Variants in PCDHA8 observed in about 807,000 individuals in gnomAD.
The protein encoded by PCDHA8 is protocadherin alpha 8.
Under a neutral mutation model 61.8 loss-of-function variants are expected in PCDHA8, and 53 were observed. The ratio of observed to expected loss-of-function variants is 0.86; its 90% CI spans 0.69 to 1.08. PCDHA8 has a LOEUF of 1.08. Among genes scored for constraint, PCDHA8 ranks in the 50% least tolerant of loss-of-function variants. The pLI, the probability that PCDHA8 is intolerant of heterozygous loss-of-function variation, is 0.00. For synonymous variants in PCDHA8, 618 were observed against 556.6 expected, an observed-to-expected ratio of 1.11 and a Z score of -1.55; for missense variants, 1,293 against 1,245.0, an observed-to-expected ratio of 1.04 and a Z score of -0.58.
intron 1 of PCDHA8, among the ~76,000 whole-genome samples, chr5:140,934,682 A>G (rs2089985981): frequency 6.6e-6 from 1 of 152,156 alleles, no homozygotes; most frequent in Non-Finnish European, 1.5e-5. Flanking sequence ...AGTATTCAAA[A>G]CAATGAATTG....
In PCDHA8 at chr5:140,869,957, A is replaced by G. The variant is rs782483772; in HGVS notation, c.2394+26242A>G. The stretch of plus-strand genomic sequence containing the variant: ...GTAACATACTCCTTAATGTCAATTA[A>G]GCCCAATGGAAGACACTTATTTACA... On this transcript the variant is annotated intron_variant, in intron 1 of 3. Transcript: ENST00000531613. 4 of 1,613,040 alleles carry G rather than the reference A, an allele frequency of 2.5e-6. No homozygotes were observed. The South Asian group carries it at 4.4e-5, about 18-fold the overall frequency.
chr5:140,952,873 A>G (rs1554220663), intron 1 of PCDHA8, among the ~76,000 whole-genome samples: 1 of 152,168 alleles, frequency 6.6e-6, no homozygotes, highest in South Asian at 2.1e-4. Context: ...GGAAACTTAC[A>G]ATCATGGTGG....
Position 140,853,619 on chromosome 5 carries a change from G to C in PCDHA8, c.2394+9904G>C. 2.0e-6 allele frequency: 2 copies of C among 988,316 alleles called. 1 individual carries two copies. The allele number at this position is 988,316 out of a possible 1,614,324, so 61.2% of individuals were successfully genotyped here. A position where few individuals can be genotyped will look rare whatever the true frequency, so the allele number is the denominator to read the frequency against. ...AGAGCAAAGGGGGTGCTGTAAATAA[G>C]TATACAAGATCACAGACCTAAATTG... On this transcript the variant is annotated intron_variant, in intron 1 of 3. Transcript: ENST00000531613.
At position 140,969,169 on chromosome 5, in the gene PCDHA8, A is replaced by G. The variant is rs201735192; in HGVS notation, c.2395-9780A>G. 2.0e-5 allele frequency: 33 copies of G among 1,614,094 alleles called. No homozygotes were observed. In the Admixed American group the frequency reaches 5.5e-4, roughly 27 times the overall value. On this transcript the variant is annotated intron_variant, in intron 1 of 3. Transcript: ENST00000531613. The stretch of plus-strand genomic sequence containing the variant: ...ACAAGGCCTGTCTGACAGCAGGCTC[A>G]GGGAGTGACACTTTCATGTTTTACA...
At chr5:140,916,613 A>T (rs2077649645) in intron 1 of PCDHA8, among the ~76,000 whole-genome samples, 1 of 151,990 alleles carries the variant, frequency 6.6e-6, no homozygotes, top group Non-Finnish European at 1.5e-5. Flanking sequence ...GGGCCTCATG[A>T]CTCTACTCAA....
chr5:140,955,658 AT>A (rs1187332497), intron 1 of PCDHA8, among the ~76,000 whole-genome samples: 1 of 152,156 alleles, frequency 6.6e-6, no homozygotes, highest in African/African-American at 2.4e-5. Flanking sequence ...ACACATATGA[AT>A]TTTAACATAG....
chr5:140,928,409 C>A (rs782636217), intron 1 of PCDHA8: 2 of 1,613,912 alleles, frequency 1.2e-6, no homozygotes, highest in Non-Finnish European at 8.5e-7. Context: ...TCCAGTGGGG[C>A]CATCACTGCC....
At chr5:140,867,108 C>A (rs782819699) in intron 1 of PCDHA8, 4 of 152,072 alleles carry the variant, frequency 2.6e-5, no homozygotes, top group Admixed American at 2.6e-4. Flanking sequence ...CCTAAATTAA[C>A]ATATTGTTTT....
intron 1 of PCDHA8, among the ~76,000 whole-genome samples, chr5:140,899,245 G>A (rs2067216472): frequency 6.6e-6 from 1 of 152,128 alleles, no homozygotes; most frequent in Non-Finnish European, 1.5e-5. Context: ...GGAGTGGTGA[G>A]AGAGGGCATC....
intron 1 of PCDHA8, among the ~76,000 whole-genome samples, chr5:140,897,659 G>A: frequency 6.6e-6 from 1 of 152,230 alleles, no homozygotes; most frequent in South Asian, 2.1e-4. Flanking sequence ...ACGTGTGCAT[G>A]TGTCTTTATA....
At chr5:140,972,228 C>G (rs1295473743) in intron 1 of PCDHA8, among the ~76,000 whole-genome samples, 1 of 151,964 alleles carries the variant, frequency 6.6e-6, no homozygotes, top group Admixed American at 6.5e-5. Flanking sequence ...CAGCCTCGAC[C>G]TTCTGGGCTC....
chr5:140,877,508 C>G (rs892674985), intron 1 of PCDHA8: 1 of 1,613,808 alleles, frequency 6.2e-7, no homozygotes, highest in Admixed American at 1.7e-5. Flanking sequence ...CCAAAGACGT[C>G]GTCGCGGGCC....
At chr5:140,877,156 G>C (rs1471783281) in intron 1 of PCDHA8, 1 of 1,613,810 alleles carries the variant, frequency 6.2e-7, no homozygotes, top group Non-Finnish European at 8.5e-7. Flanking sequence ...GAACGACAAC[G>C]CGCCGGCACT....
chr5:140,977,324 C>T (rs1035502087), intron 1 of PCDHA8, among the ~76,000 whole-genome samples: 5 of 152,102 alleles, frequency 3.3e-5, no homozygotes, highest in Non-Finnish European at 4.4e-5. Context: ...CTCCTGATGG[C>T]GAGGGGAGAG....
chr5:140,841,267 A>C lies in PCDHA8; in HGVS notation c.-55A>C. 1 of 1,524,772 alleles carries C rather than the reference A, an allele frequency of 6.6e-7. No homozygotes were observed. Among genetic ancestry groups the C allele is most frequent in the Non-Finnish European group, 8.8e-7 (1 of 1,135,868 alleles). The allele number at this position is 1,524,772 out of a possible 1,614,324, so 94.5% of individuals were successfully genotyped here. A position where few individuals can be genotyped will look rare whatever the true frequency, so the allele number is the denominator to read the frequency against. ...TTGGATTAAAAGACTCTGAAAGTAC[A>C]GTCGTTCATCTTTATATTAAGATAA... On this transcript the variant is annotated 5_prime_UTR_variant, in exon 1 of 4. Transcript: ENST00000531613.
intron 3 of PCDHA8, among the ~76,000 whole-genome samples, chr5:140,995,545 T>C (rs998594175): frequency 1.3e-5 from 2 of 152,206 alleles, no homozygotes; most frequent in Non-Finnish European, 2.9e-5. Flanking sequence ...TAAGGGGCGA[T>C]CACTGTACTG....
At chr5:141,000,608 A>G (rs1554257700) in intron 3 of PCDHA8, among the ~76,000 whole-genome samples, 2 of 150,664 alleles carry the variant, frequency 1.3e-5, no homozygotes, top group African/African-American at 4.9e-5. Context: ...TTGTATTTTT[A>G]GTAGAGACAG....
In PCDHA8 at chr5:140,868,769, A is replaced by G. The variant is rs144958028; in HGVS notation, c.2394+25054A>G. 95 of 255,700 alleles carry G rather than the reference A, an allele frequency of 3.7e-4. No individual in the cohort carries two copies. In the Middle Eastern group the frequency reaches 9.0e-3, roughly 24 times the overall value. 15.8% of individuals were successfully genotyped at this position (255,700 alleles called of 1,614,324 possible). On this transcript the variant is annotated intron_variant, in intron 1 of 3. Coordinates refer to ENST00000531613, the MANE Select transcript of PCDHA8 (RefSeq NM_018911.3). ...CCATTTCCATATATATTTAGTTTCA[A>G]TATGACTTATAATCTGAATATTCCA... is the stretch of plus-strand genomic sequence containing the variant.
intron 3 of PCDHA8, among the ~76,000 whole-genome samples, chr5:141,006,406 G>T (rs553100919): frequency 6.6e-6 from 1 of 151,932 alleles, no homozygotes; most frequent in African/African-American, 2.4e-5. Flanking sequence ...GTAGAGACGC[G>T]GTTTCACTGT....
Sources: allele counts gnomAD v4.1 joint callset (sites outside exome capture counted in the v4.1 genomes callset), GRCh38; gene constraint gnomAD v4.1.1; transcripts MANE v1.5; gene names NCBI Gene and HGNC (gene_info 2026-07-23, HGNC 2026-07-21).